Variants in TTLL11 observed in about 807,000 individuals in gnomAD.
The protein encoded by TTLL11 is tubulin polyglutamylase TTLL11.
Under a neutral mutation model 51.7 loss-of-function variants are expected in TTLL11, and 42 were observed. The observed-to-expected ratio is 0.81, with a 90% CI of 0.64 to 1.05. The LOEUF (loss-of-function observed/expected upper bound fraction) is 1.05. Among genes scored for constraint, TTLL11 ranks in the 50% least tolerant of loss-of-function variants. TTLL11 has a pLI of 0.00. For synonymous variants in TTLL11, 381 were observed against 383.5 expected (o/e 0.99, Z 0.08); for missense variants, 799 against 940.4 (o/e 0.85, Z 1.97).
intron 6 of TTLL11, among the ~76,000 whole-genome samples, chr9:121,926,237 G>A (rs1840726857): frequency 6.6e-6 from 1 of 152,150 alleles, no homozygotes; most frequent in African/African-American, 2.4e-5. Context: ...TGGCCCTGGG[G>A]GACCCTGCGC....
chr9:121,837,305 T>A (rs1227470470), intron 8 of TTLL11, among the ~76,000 whole-genome samples: 1 of 89,342 alleles, frequency 1.1e-5, no homozygotes, highest in Non-Finnish European at 2.2e-5. Context: ...GTGGAACTTA[T>A]GGGTCAAGTA....
chr9:121,970,253 A>G (rs993883055), intron 6 of TTLL11, among the ~76,000 whole-genome samples: 6 of 152,224 alleles, frequency 3.9e-5, no homozygotes, highest in Admixed American at 1.3e-4. Context: ...TATCCTTCCC[A>G]ATGGTCCTAT....
At chr9:122,030,556 G>A (rs1489463855) in intron 3 of TTLL11, among the ~76,000 whole-genome samples, 1 of 152,040 alleles carries the variant, frequency 6.6e-6, no homozygotes, top group Non-Finnish European at 1.5e-5. Flanking sequence ...ATTTTTCAAA[G>A]CCTCAGTTTC....
At chr9:121,968,715 C>G (rs987658957) in intron 6 of TTLL11, among the ~76,000 whole-genome samples, 1 of 151,840 alleles carries the variant, frequency 6.6e-6, no homozygotes, top group Non-Finnish European at 1.5e-5. Context: ...CACCACCATG[C>G]CTGGCTAATT....
intron 7 of TTLL11, among the ~76,000 whole-genome samples, chr9:121,869,037 A>T (rs542355946): frequency 6.6e-6 from 1 of 152,376 alleles, no homozygotes; most frequent in African/African-American, 2.4e-5. Flanking sequence ...ATTTATCCAA[A>T]GCCACACAGC....
chr9:122,045,844 T>C (rs931972580), intron 1 of TTLL11, among the ~76,000 whole-genome samples: 1 of 152,136 alleles, frequency 6.6e-6, no homozygotes, highest in Admixed American at 6.5e-5. Flanking sequence ...CCTAGAGTAG[T>C]CAAATTCATA....
intron 6 of TTLL11, among the ~76,000 whole-genome samples, chr9:121,925,924 A>C (rs1346284475): frequency 2.0e-5 from 3 of 152,232 alleles, no homozygotes; most frequent in African/African-American, 7.2e-5. Flanking sequence ...CCTGCTCTTT[A>C]GAACATAAAG....
Position 121,846,606 on chromosome 9 carries a change from T to TA in TTLL11, c.1840+13730dup, listed in dbSNP as rs529716425. On this transcript the variant is annotated intron_variant, in intron 8 of 8. Transcript: ENST00000321582. ...AAATTCTCTCAGGCCACAATAGAAT[T>TA]AAACTAAAAATCAATAACAGAAAGA... Among the ~76,000 whole-genome samples the TA allele has an allele frequency of 2.7e-3, 416 of 152,088 alleles. 3 individuals are homozygous for TA. The highest frequency in any genetic ancestry group is 8.3e-3 in the African/African-American group (343 of 41,510).
chr9:122,091,319 T>C (rs1423937780), intron 1 of TTLL11, among the ~76,000 whole-genome samples: 1 of 152,184 alleles, frequency 6.6e-6, no homozygotes, highest in Non-Finnish European at 1.5e-5. Flanking sequence ...CCCTCATATC[T>C]CTGGCCTGGA....
At chr9:122,049,968 T>C (rs2131846251) in intron 1 of TTLL11, among the ~76,000 whole-genome samples, 1 of 152,124 alleles carries the variant, frequency 6.6e-6, no homozygotes, top group African/African-American at 2.4e-5. Flanking sequence ...AAATGGCTGC[T>C]CTAAGATGAG....
chr9:121,962,990 ATAT>A (rs1842284434), intron 6 of TTLL11, among the ~76,000 whole-genome samples: 1 of 152,210 alleles, frequency 6.6e-6, no homozygotes, highest in African/African-American at 2.4e-5. Flanking sequence ...CATGTGCTAA[ATAT>A]CTGCACGTCT....
intron 1 of TTLL11, among the ~76,000 whole-genome samples, chr9:122,084,190 G>A (rs1296936804): frequency 2.0e-5 from 3 of 152,074 alleles, no homozygotes; most frequent in South Asian, 2.1e-4. Flanking sequence ...AAGCAAAACC[G>A]CACCCAGGGA....
intron 3 of TTLL11, among the ~76,000 whole-genome samples, chr9:122,025,023 C>T (rs1473498857): frequency 6.6e-6 from 1 of 151,380 alleles, no homozygotes; most frequent in African/African-American, 2.4e-5. Context: ...TATGTAGACA[C>T]AAATATTAAA....
At chr9:122,092,564 G>A (rs995690141) in intron 1 of TTLL11, 123 bp downstream of exon 1, 29 of 1,450,782 alleles carry the variant, frequency 2.0e-5, no homozygotes, top group African/African-American at 1.4e-4. Flanking sequence ...AAGCAGGCCC[G>A]AGCGTGGTGC....
chr9:121,817,063 T>C lies in TTLL11; in HGVS notation c.*5524A>G, dbSNP rs533922338. 1 of 152,322 alleles carries C rather than the reference T, an allele frequency of 6.6e-6. No homozygotes were observed. Among genetic ancestry groups the C allele is most frequent in the East Asian group, 1.9e-4 (1 of 5,164 alleles). 9.4% of individuals were successfully genotyped at this position (152,322 alleles called of 1,614,324 possible). Reference sequence around the variant, plus strand: ...TGCCAGCTCCCTGCCGGGAGAGCCATCATTTCTGAGCTTTCAGGGAAGATG... The same window carrying C: ...TGCCAGCTCCCTGCCGGGAGAGCCACCATTTCTGAGCTTTCAGGGAAGATG... On this transcript the variant is annotated 3_prime_UTR_variant, in exon 9 of 9. Transcript: ENST00000321582.
At chr9:121,900,889 G>T (rs752673590) in intron 6 of TTLL11, among the ~76,000 whole-genome samples, 3 of 152,192 alleles carry the variant, frequency 2.0e-5, no homozygotes, top group Admixed American at 2.0e-4. Flanking sequence ...GCTCACTGCA[G>T]CCTCAACCTC....
chr9:121,950,647 G>A (rs765829238), intron 6 of TTLL11, among the ~76,000 whole-genome samples: 15 of 152,082 alleles, frequency 9.9e-5, no homozygotes, highest in Non-Finnish European at 8.8e-5. Context: ...GAACCGTATC[G>A]AAAAATGTGG....
At chr9:121,872,820 C>T (rs1266775762) in intron 6 of TTLL11, among the ~76,000 whole-genome samples, 2 of 152,196 alleles carry the variant, frequency 1.3e-5, no homozygotes, top group East Asian at 1.9e-4. Context: ...GAAAGAAATG[C>T]TCCCTCCCAC....
At chr9:121,961,996 C>T (rs1588157444) in intron 6 of TTLL11, among the ~76,000 whole-genome samples, 2 of 152,264 alleles carry the variant, frequency 1.3e-5, no homozygotes, top group South Asian at 4.2e-4. Context: ...GCAGAGGTTG[C>T]AGTGAGCTGA....
Sources: gnomAD v4.1 joint callset for allele counts (sites outside exome capture counted in the v4.1 genomes callset) on GRCh38, gnomAD v4.1.1 for gene constraint, MANE v1.5 for transcripts, NCBI Gene and HGNC (gene_info 2026-07-23, HGNC 2026-07-21) for gene names.